The following ZNF436 variants were observed in gnomAD, a reference collection of about 807,000 sequenced individuals.
ZNF436 encodes DNA-binding protein.
Under a neutral mutation model 41.9 loss-of-function variants are expected in ZNF436, and 22 were observed. The observed-to-expected ratio is 0.53, with a 90% CI of 0.38 to 0.75. ZNF436 has a LOEUF of 0.75. Ranked by LOEUF, ZNF436 falls within the 30% of genes least tolerant of loss-of-function variation. The pLI, the probability that ZNF436 is intolerant of heterozygous loss-of-function variation, is 0.00. For synonymous variants in ZNF436, 217 were observed against 197.8 expected (o/e 1.10, Z -0.82); for missense variants, 506 against 587.3 (o/e 0.86, Z 1.43).
intron 3 of ZNF436, among the ~76,000 whole-genome samples, chr1:23,364,234 GTTTGT>G (rs1326650013): frequency 2.0e-5 from 3 of 151,988 alleles, no homozygotes; most frequent in Admixed American, 6.6e-5. Context: ...TTGTTTGTTT[GTTTGT>G]TTTGTTTTGT....
chr1:23,369,085 A>G (rs1638435851), intron 1 of ZNF436: 1 of 239,686 alleles, frequency 4.2e-6, no homozygotes, highest in Non-Finnish European at 8.8e-6. Flanking sequence ...CGGCGGGCTG[A>G]GTGGCGTCCA....
rs749023488 is a variant in ZNF436 at position 23,362,223 on chromosome 1, C to T, written c.1159G>A (p.Glu387Lys). Reference sequence around the variant, plus strand: ...CACTCATTACACTCATAAGGCTTCTCTCCAGTGTGAATTTTCTGGTGTGTG... The same window carrying T: ...CACTCATTACACTCATAAGGCTTCTTTCCAGTGTGAATTTTCTGGTGTGTG... ...LITHQKIHTGEKPYECNECWR... is the reference protein window; with the variant it reads ...LITHQKIHTGKKPYECNECWR... Residue 387 changes from glutamate to lysine, a missense_variant, in exon 4 of 4, where the codon GAG (glutamate) becomes AAG (lysine). Physicochemically the swap from Glu to Lys is moderately conservative, Grantham distance 56. Around this residue, in one of 2 missense-constraint regions of ZNF436, gnomAD observed 278 missense variants for 372.1 expected, o/e 0.75. Transcript: ENST00000314011. 1.9e-6 allele frequency: 3 copies of T among 1,614,012 alleles called. No individual in the cohort carries two copies. Among genetic ancestry groups the T allele is most frequent in the Non-Finnish European group, 1.7e-6 (2 of 1,180,022 alleles).
Position 23,362,065 on chromosome 1 carries a change from AAC to A in ZNF436, c.1315_1316del (p.Val439SerfsTer8). On this transcript the variant is annotated frameshift_variant, in exon 4 of 4. Transcript: ENST00000314011. LOFTEE classifies it high-confidence loss of function. Reference protein sequence around the residue: ...QSSNLITHQRVHTGEKPYECT... With the variant: ...QSSNLITHQRXHTGEKPYECT... Reference sequence around the variant, plus strand: ...ATTCATAAGGTTTCTCTCCCGTGTGAACTCTTTGATGTGTGATGAGGTTGGAG... The same window carrying A: ...ATTCATAAGGTTTCTCTCCCGTGTGATCTTTGATGTGTGATGAGGTTGGAG... 1 of 1,613,712 alleles carries A rather than the reference AAC, an allele frequency of 6.2e-7. No homozygotes were observed. The highest frequency in any genetic ancestry group is 8.5e-7 in the Non-Finnish European group (1 of 1,179,886).
At chr1:23,365,855 C>A (rs1638346783) in intron 3 of ZNF436, among the ~76,000 whole-genome samples, 1 of 146,548 alleles carries the variant, frequency 6.8e-6, no homozygotes, top group African/African-American at 2.5e-5. Flanking sequence ...GAAGTCAAGG[C>A]TGCAATGAGT....
chr1:23,369,443 G>A lies in ZNF436; in HGVS notation c.-138C>T, dbSNP rs1484401852. 5.6e-6 allele frequency: 3 copies of A among 534,438 alleles called. No homozygotes were observed. In the East Asian group the frequency reaches 1.6e-4, roughly 29 times the overall value. The allele number at this position is 534,438 out of a possible 1,614,324, so 33.1% of individuals were successfully genotyped here. On this transcript the variant is annotated 5_prime_UTR_variant, in exon 1 of 4. In the 5' UTR this introduces an upstream ATG that the reference lacks. Transcript: ENST00000314011. ...CGCGAACGGGTTCCAGAGCCGCAGC[G>A]TTCTCTCAGACCTGGCGTTCAGGAA...
In ZNF436 at chr1:23,367,962, C is replaced by T; in HGVS notation, c.33+11G>A. 1 of 1,614,014 alleles carries T rather than the reference C, an allele frequency of 6.2e-7. No individual in the cohort carries two copies. The highest frequency in any genetic ancestry group is 8.5e-7 in the Non-Finnish European group (1 of 1,179,998). On this transcript the variant is annotated intron_variant, in intron 2 of 3. Transcript: ENST00000314011. The stretch of plus-strand genomic sequence containing the variant: ...GCAGAGACAAGGTCTGAGAAGCCAC[C>T]TCCGGCTTACCTGGGACCCAGCCAT...
chr1:23,365,994 GT>G (rs1638349951), intron 3 of ZNF436, among the ~76,000 whole-genome samples: 1 of 150,844 alleles, frequency 6.6e-6, no homozygotes, highest in African/African-American at 2.4e-5. Context: ...CAAGAAACCA[GT>G]TTTTTGGCGC....
chr1:23,365,808 C>A (rs989010389), intron 3 of ZNF436, among the ~76,000 whole-genome samples: 1 of 151,082 alleles, frequency 6.6e-6, no homozygotes, highest in African/African-American at 2.4e-5. Flanking sequence ...ATCCCAGCTA[C>A]TCAGGAAGCT....
At position 23,362,848 on chromosome 1, in the gene ZNF436, G is replaced by A. The variant is rs1370063971; in HGVS notation, c.534C>T (p.Ser178=). The change falls in exon 4 of 4, where the codon AGC becomes AGT. Residue 178 remains serine, a synonymous_variant. Transcript: ENST00000314011. The part of the protein sequence containing the change: ...CYECGKGFSR[S]SHLIQHQRTH... Reference sequence around the variant, plus strand: ...TTCTTTGATGCTGAATAAGGTGTGAGCTGCGACTGAAGCCTTTTCCACATT... The same window carrying A: ...TTCTTTGATGCTGAATAAGGTGTGAACTGCGACTGAAGCCTTTTCCACATT... 1 of 1,614,108 alleles carries A rather than the reference G, an allele frequency of 6.2e-7. No individual in the cohort carries two copies. The highest frequency in any genetic ancestry group is 2.2e-5 in the East Asian group (1 of 44,898).
At chr1:23,368,887 C>CA (rs1475098885) in intron 1 of ZNF436, 9 of 153,904 alleles carry the variant, frequency 5.8e-5, no homozygotes, top group Non-Finnish European at 1.0e-4. Flanking sequence ...CCACGCACTA[C>CA]ATCTCCCAAC....
At position 23,368,841 on chromosome 1, in the gene ZNF436, G is replaced by A. The variant is rs1031101719; in HGVS notation, c.-61+525C>T. On this transcript the variant is annotated intron_variant, in intron 1 of 3. Transcript: ENST00000314011. ...AGCGGCAGCCGCCCACTCCCCAGGG[G>A]AGACTCGGAGGCCGCGCTGGAACTT... Among the ~76,000 whole-genome samples, 6 of 152,332 alleles carry A rather than the reference G, an allele frequency of 3.9e-5. No individual in the cohort carries two copies. The South Asian group carries it at 6.2e-4, about 16-fold the overall frequency.
rs138306582 is a variant in ZNF436, at chr1:23,364,341, G to A, written c.161-1120C>T. Among the ~76,000 whole-genome samples, 164 of 152,224 alleles carry A rather than the reference G, an allele frequency of 1.1e-3. 1 individual carries two copies. Among genetic ancestry groups the A allele is most frequent in the African/African-American group, 3.7e-3 (155 of 41,512 alleles). On this transcript the variant is annotated intron_variant, in intron 3 of 3. Transcript: ENST00000314011. ...TAACCTCTGCCTCCTGGGTTCAAGC[G>A]ATTCTCCTGCCTCATCTTTCCGAGT...
At chr1:23,368,207 C>G (rs1466335783) in intron 1 of ZNF436, 142 bp from the exon 2 acceptor site, 1 of 598,604 alleles carries the variant, frequency 1.7e-6, no homozygotes, top group Non-Finnish European at 3.0e-6. Context: ...TCGAGCGCGA[C>G]CCGCCCTCTG....
chr1:23,368,539 G>A (rs1437117862), intron 1 of ZNF436, among the ~76,000 whole-genome samples: 1 of 152,226 alleles, frequency 6.6e-6, no homozygotes, highest in Non-Finnish European at 1.5e-5. Flanking sequence ...CCACTCCCGC[G>A]TACAAAAGCT....
At chr1:23,366,519 C>T (rs763737387) in intron 3 of ZNF436, among the ~76,000 whole-genome samples, 15 of 152,198 alleles carry the variant, frequency 9.9e-5, no homozygotes, top group Non-Finnish European at 1.3e-4. Flanking sequence ...TTTCAGCATT[C>T]TTCTGGAACA....
Position 23,362,756 on chromosome 1 carries a change from A to G in ZNF436, c.626T>C (p.Leu209Pro). The change falls in exon 4 of 4, where the codon CTG becomes CCG. Residue 209 changes from leucine (L) to proline (P), a missense_variant. This residue lies in a region of ZNF436 where 278 missense variants were observed against 372.1 expected (regional missense o/e 0.75). Coordinates refer to ENST00000314011, the MANE Select transcript of ZNF436 (RefSeq NM_001077195.2). The part of the protein sequence containing the change: ...CGKSFGRSSH[L>P]IQHQTIHTGE... ...AGTGTGGATTGTCTGATGCTGAATC[A>G]GGTGAGAACTTCTTCCAAAACTTTT... is the stretch of plus-strand genomic sequence containing the variant. 1 of 1,614,216 alleles carries G rather than the reference A, an allele frequency of 6.2e-7. No homozygotes were observed. The highest frequency in any genetic ancestry group is 1.1e-5 in the South Asian group (1 of 91,090).
chr1:23,362,355 A>G lies in ZNF436; in HGVS notation c.1027T>C (p.Phe343Leu). 1 of 1,613,660 alleles carries G rather than the reference A, an allele frequency of 6.2e-7. No homozygotes were observed. Among genetic ancestry groups the G allele is most frequent in the Non-Finnish European group, 8.5e-7 (1 of 1,179,952 alleles). ...TGAACCAAGTGTGAGATGCGGCTGA[A>G]ATTTTCCCCACATTCGTTACAGTGG... ...PYHCNECGENFSRISHLVQHQ... is the reference protein window; with the variant it reads ...PYHCNECGENLSRISHLVQHQ... Residue 343 changes from phenylalanine to leucine, a missense_variant, in exon 4 of 4, where the codon TTC (phenylalanine) becomes CTC (leucine). Physicochemically the swap from Phe to Leu is conservative, Grantham distance 22 (BLOSUM62 0). Coordinates refer to ENST00000314011, the MANE Select transcript of ZNF436 (RefSeq NM_001077195.2).
chr1:23,364,737 A>G (rs542162661), intron 3 of ZNF436, among the ~76,000 whole-genome samples: 4 of 152,368 alleles, frequency 2.6e-5, no homozygotes, highest in Non-Finnish European at 5.9e-5. Context: ...TGCAGTCTTC[A>G]AATGAAAATC....
intron 3 of ZNF436, among the ~76,000 whole-genome samples, chr1:23,365,362 C>G (rs1227187270): frequency 1.3e-5 from 2 of 151,822 alleles, no homozygotes; most frequent in Non-Finnish European, 2.9e-5. Context: ...CGCCACTGCA[C>G]TCCAGCCTGG....
Sources: allele counts gnomAD v4.1 joint callset (sites outside exome capture counted in the v4.1 genomes callset), GRCh38; gene constraint gnomAD v4.1.1; regional missense constraint gnomAD v4.1.1; transcripts MANE v1.5; gene names NCBI Gene and HGNC (gene_info 2026-07-23, HGNC 2026-07-21).